Variants in TULP4 observed in about 807,000 individuals in gnomAD.
The protein encoded by TULP4 is tubby-related protein 4.
A neutral mutation model predicts 129.0 loss-of-function variants in TULP4; 16 were observed. That is an observed-to-expected ratio of 0.12 (90% CI 0.08 to 0.19). TULP4 has a LOEUF of 0.19. Ranked by LOEUF, TULP4 falls within the 10% of genes least tolerant of loss-of-function variation. The pLI is 1.00. For missense variants in TULP4, 1,842 were observed against 2,059.1 expected, an observed-to-expected ratio of 0.89 and a Z score of 2.04; for synonymous variants, 998 against 854.0, an observed-to-expected ratio of 1.17 and a Z score of -2.94.
At chr6:158,393,597 A>G (rs1350097918) in intron 1 of TULP4, among the ~76,000 whole-genome samples, 1 of 152,222 alleles carries the variant, frequency 6.6e-6, no homozygotes, top group African/African-American at 2.4e-5. Flanking sequence ...CCAACATCAT[A>G]TAGAAGCTAC....
At chr6:158,422,746 CAG>C (rs1383571336) in intron 2 of TULP4, among the ~76,000 whole-genome samples, 1 of 152,196 alleles carries the variant, frequency 6.6e-6, no homozygotes, top group African/African-American at 2.4e-5. Context: ...GCATAGGGCT[CAG>C]GGGATTGGTT....
At chr6:158,462,655 G>A (rs556668303) in intron 6 of TULP4, among the ~76,000 whole-genome samples, 1 of 151,758 alleles carries the variant, frequency 6.6e-6, no homozygotes, top group African/African-American at 2.4e-5. Context: ...TTACAGGCAT[G>A]AGCCACCATG....
Position 158,508,886 on chromosome 6 carries a change from T to G in TULP4, c.*2192T>G, listed in dbSNP as rs898155029. On this transcript the variant is annotated 3_prime_UTR_variant, in exon 14 of 14. Transcript: ENST00000367097. Reference sequence around the variant, plus strand: ...AGAGGATATGATAGAAGGTTTTTTTTTTTTTTTTTTTTTTTTTTTGAGACG... The same window carrying G: ...AGAGGATATGATAGAAGGTTTTTTTGTTTTTTTTTTTTTTTTTTTGAGACG... 99 of 134,940 alleles carry G rather than the reference T, an allele frequency of 7.3e-4. 2 individuals carry two copies. Among genetic ancestry groups the G allele is most frequent in the African/African-American group, 2.5e-3 (88 of 35,440 alleles). The allele number at this position is 134,940 out of a possible 1,614,324, so 8.4% of individuals were successfully genotyped here.
chr6:158,361,156 G>T (rs1462032906), intron 1 of TULP4, among the ~76,000 whole-genome samples: 1 of 152,174 alleles, frequency 6.6e-6, no homozygotes, highest in Non-Finnish European at 1.5e-5. Context: ...TGGTGATACA[G>T]GAAGCTTGCA....
At chr6:158,325,392 T>G (rs1779723909) in intron 1 of TULP4, among the ~76,000 whole-genome samples, 1 of 150,394 alleles carries the variant, frequency 6.6e-6, no homozygotes, top group Non-Finnish European at 1.5e-5. Flanking sequence ...TTACTCTGTC[T>G]CCCAGGCTGG....
chr6:158,292,768 G>A (rs745695401), intron 1 of TULP4, among the ~76,000 whole-genome samples: 14 of 152,160 alleles, frequency 9.2e-5, no homozygotes, highest in Non-Finnish European at 1.6e-4. Context: ...TTTGCACAGT[G>A]TAAGATTATT....
chr6:158,419,144 T>C (rs1035732140), intron 2 of TULP4, among the ~76,000 whole-genome samples: 6 of 152,226 alleles, frequency 3.9e-5, no homozygotes, highest in African/African-American at 1.4e-4. Context: ...AAACAACTTT[T>C]TTCAGTAATC....
chr6:158,479,194 C>CA (rs1779883669), intron 6 of TULP4, among the ~76,000 whole-genome samples: 1 of 152,146 alleles, frequency 6.6e-6, no homozygotes, highest in South Asian at 2.1e-4. Flanking sequence ...ACCACCTCCC[C>CA]AAGCCATGGG....
At chr6:158,236,525 G>A (rs892821785) in intron 1 of TULP4, among the ~76,000 whole-genome samples, 1 of 152,068 alleles carries the variant, frequency 6.6e-6, no homozygotes, top group African/African-American at 2.4e-5. Flanking sequence ...AGTGTATTAA[G>A]AAAGTTCCTC....
intron 5 of TULP4, among the ~76,000 whole-genome samples, chr6:158,453,146 A>G (rs2115149633): frequency 6.6e-6 from 1 of 152,132 alleles, no homozygotes; most frequent in Non-Finnish European, 1.5e-5. Context: ...TGCTTGCCTG[A>G]ATTATTCAGC....
intron 6 of TULP4, among the ~76,000 whole-genome samples, chr6:158,467,258 G>A (rs1314516292): frequency 6.9e-6 from 1 of 145,598 alleles, no homozygotes; most frequent in Non-Finnish European, 1.5e-5. Context: ...TGCAGTGTTT[G>A]AGCCACGACT....
chr6:158,384,289 C>CTTTTTTTTTTTTTTTTTTTT (rs10634916), intron 1 of TULP4, among the ~76,000 whole-genome samples: 1 of 144,472 alleles, frequency 6.9e-6, no homozygotes, highest in African/African-American at 2.6e-5. Context: ...GCCTGTTTAG[C>CTTTTTTTTTTTTTTTTTTTT]TTTTTTTTTT....
intron 7 of TULP4, 102 bp downstream of exon 7, chr6:158,480,077 G>A: frequency 3.5e-6 from 3 of 869,478 alleles, no homozygotes; most frequent in South Asian, 3.3e-5. Context: ...AGCACATGGG[G>A]CCATGTGCAG....
chr6:158,459,189 GTGAGGCCGAGGCGGGTGGATCACA>G (rs1273323815), intron 5 of TULP4, among the ~76,000 whole-genome samples: 4 of 152,202 alleles, frequency 2.6e-5, no homozygotes, highest in Non-Finnish European at 4.4e-5. Context: ...TCAGCACTTT[GTGAGGCCGAGGCGGGTGGATCACA>G]TGAGGTCGGG....
intron 1 of TULP4, among the ~76,000 whole-genome samples, chr6:158,255,584 A>T (rs542724629): frequency 5.3e-5 from 8 of 152,228 alleles, no homozygotes; most frequent in Non-Finnish European, 1.0e-4. Context: ...GAAAGTTGTC[A>T]TGTCTGGGTG....
At chr6:158,491,384 A>AT (rs1562589049) in intron 9 of TULP4, among the ~76,000 whole-genome samples, 1 of 150,682 alleles carries the variant, frequency 6.6e-6, no homozygotes, top group Non-Finnish European at 1.5e-5. Context: ...TTATTGAGTT[A>AT]TAAGAGTTCT....
chr6:158,434,615 G>A (rs141345741), intron 3 of TULP4, among the ~76,000 whole-genome samples: 6 of 152,286 alleles, frequency 3.9e-5, no homozygotes, highest in Admixed American at 2.0e-4. Context: ...TATTTGAGAC[G>A]TTGACATTTT....
intron 1 of TULP4, among the ~76,000 whole-genome samples, chr6:158,233,188 C>A (rs1777630220): frequency 6.6e-6 from 1 of 152,346 alleles, no homozygotes; most frequent in African/African-American, 2.4e-5. Flanking sequence ...CTAATTCCTT[C>A]TACCTGCTGA....
intron 2 of TULP4, among the ~76,000 whole-genome samples, chr6:158,423,299 G>T (rs561250649): frequency 1.3e-5 from 2 of 152,318 alleles, no homozygotes; most frequent in African/African-American, 4.8e-5. Flanking sequence ...GAAAAAACTT[G>T]ATATTAGACT....
Sources: gnomAD v4.1 joint callset for allele counts (sites outside exome capture counted in the v4.1 genomes callset) on GRCh38, gnomAD v4.1.1 for gene constraint, MANE v1.5 for transcripts, NCBI Gene and HGNC (gene_info 2026-07-23, HGNC 2026-07-21) for gene names.